The following PLEK2 variants were observed in gnomAD, a reference collection of about 807,000 sequenced individuals.
PLEK2 encodes pleckstrin 2, also known as pleckstrin-2.
A neutral mutation model predicts 43.8 loss-of-function variants in PLEK2; 29 were observed. The ratio of observed to expected loss-of-function variants is 0.66; its 90% CI spans 0.49 to 0.90. PLEK2 has a LOEUF of 0.90. PLEK2 is among the 40% of genes least tolerant of loss of function. PLEK2 has a pLI of 0.00. For synonymous variants in PLEK2, 162 were observed against 173.2 expected (o/e 0.94, Z 0.51); for missense variants, 398 against 448.1 (o/e 0.89, Z 1.01).
rs573621332 is a variant in PLEK2, at chr14:67,410,739, C to T, written c.42+1279G>A. On this transcript the variant is annotated intron_variant, in intron 1 of 8. Transcript: ENST00000216446. ...AAAGGAAGGGCCCCTCATCCCTCTT[C>T]ATTCCCCTCCCAAAGCTGAAAACTC... Among the ~76,000 whole-genome samples, 15 of 152,348 alleles carry T rather than the reference C, an allele frequency of 9.8e-5. No individual in the cohort carries two copies. The South Asian group carries it at 3.1e-3, about 32-fold the overall frequency.
chr14:67,387,504 C>G, intron 8 of PLEK2, 48 bp from the exon 9 acceptor site: 2 of 1,575,218 alleles, frequency 1.3e-6, no homozygotes, highest in South Asian at 2.4e-5. Flanking sequence ...ATAGCCATGT[C>G]TGCTTTCATC....
chr14:67,407,418 G>GC (rs1268314828), intron 1 of PLEK2, among the ~76,000 whole-genome samples: 4 of 151,788 alleles, frequency 2.6e-5, no homozygotes, highest in Middle Eastern at 3.2e-3. Flanking sequence ...ACCACGCCCA[G>GC]CCCCTAACCT....
At chr14:67,393,040 G>T in intron 4 of PLEK2, 110 bp downstream of exon 4, 3 of 950,206 alleles carry the variant, frequency 3.2e-6, no homozygotes, top group South Asian at 1.4e-5. Flanking sequence ...CTAGCCTGTT[G>T]CCCAGCAGGC....
chr14:67,395,955 C>T (rs2086005263), intron 2 of PLEK2, among the ~76,000 whole-genome samples: 1 of 152,166 alleles, frequency 6.6e-6, no homozygotes, highest in South Asian at 2.1e-4. Flanking sequence ...AACCCCAGCT[C>T]TGCCACTTGG....
intron 3 of PLEK2, among the ~76,000 whole-genome samples, chr14:67,393,855 CAAGA>C (rs2085987629): frequency 6.6e-6 from 1 of 152,160 alleles, no homozygotes; most frequent in Admixed American, 6.5e-5. Flanking sequence ...ACAGGTTTCA[CAAGA>C]AAGTCTGAGG....
Position 67,393,283 on chromosome 14 carries a change from G to A in PLEK2, c.390-42C>T, listed in dbSNP as rs763915580. 52 of 1,402,606 alleles carry A rather than the reference G, an allele frequency of 3.7e-5. No homozygotes were observed. The Middle Eastern group carries it at 8.8e-4, about 24-fold the overall frequency. 86.9% of individuals were successfully genotyped at this position (1,402,606 alleles called of 1,614,324 possible). On this transcript the variant is annotated intron_variant, in intron 3 of 8. Transcript: ENST00000216446. ...GCAAAGGAGAGGGAACCCTCATCAC[G>A]CGGGCAGGTATAAGGGAGGGTCCTG...
At chr14:67,408,069 C>G (rs1328019865) in intron 1 of PLEK2, among the ~76,000 whole-genome samples, 1 of 151,988 alleles carries the variant, frequency 6.6e-6, no homozygotes, top group Non-Finnish European at 1.5e-5. Flanking sequence ...GGTGGATCAC[C>G]TGAGGTTGGG....
chr14:67,393,073 G>A lies in PLEK2; in HGVS notation c.481+77C>T, dbSNP rs2296564. ...GGCAGCTCTGACCTCAATACAGGGCGGTCAAGCACACAGCTGAGCCCTGCA... is the reference window on the plus strand; with the variant it reads ...GGCAGCTCTGACCTCAATACAGGGCAGTCAAGCACACAGCTGAGCCCTGCA... On this transcript the variant is annotated intron_variant, in intron 4 of 8. Coordinates refer to ENST00000216446, the MANE Select transcript of PLEK2 (RefSeq NM_016445.3). 1,320 of 1,137,640 alleles carry A rather than the reference G, an allele frequency of 1.2e-3. 7 individuals are homozygous for A. Among genetic ancestry groups the A allele is most frequent in the East Asian group, 4.8e-3 (205 of 42,788 alleles). The allele number at this position is 1,137,640 out of a possible 1,614,324, so 70.5% of individuals were successfully genotyped here.
At chr14:67,408,438 C>T (rs2086095787) in intron 1 of PLEK2, among the ~76,000 whole-genome samples, 1 of 152,042 alleles carries the variant, frequency 6.6e-6, no homozygotes, top group Non-Finnish European at 1.5e-5. Context: ...AAGTCCTAAC[C>T]TCTGGACCTG....
At chr14:67,391,249 T>C (rs1037355300) in intron 6 of PLEK2, among the ~76,000 whole-genome samples, 1 of 150,742 alleles carries the variant, frequency 6.6e-6, no homozygotes, top group South Asian at 2.1e-4. Context: ...TATGATAAAA[T>C]CTAAATGTGT....
chr14:67,399,878 A>G (rs2086036196), intron 1 of PLEK2, among the ~76,000 whole-genome samples: 1 of 152,236 alleles, frequency 6.6e-6, no homozygotes, highest in South Asian at 2.1e-4. Context: ...ATCAGAAAGG[A>G]ATGAGTTTAG....
Position 67,395,477 on chromosome 14 carries a change from G to A in PLEK2, c.314C>T (p.Ala105Val). ...WAFEITGAIH[A>V]GQPGKVQQLH... ...CTGCTGGACCTTCCCCGGCTGCCCTGCATGAATAGCCCCGGTGATCTCAAA... is the reference window on the plus strand; with the variant it reads ...CTGCTGGACCTTCCCCGGCTGCCCTACATGAATAGCCCCGGTGATCTCAAA... The change falls in exon 3 of 9, where the codon GCA becomes GTA. Residue 105 changes from alanine to valine, a missense_variant. By Grantham distance (64) the Ala-to-Val change is moderately conservative. Coordinates refer to ENST00000216446, the MANE Select transcript of PLEK2 (RefSeq NM_016445.3). 17 of 1,614,060 alleles carry A rather than the reference G, an allele frequency of 1.1e-5. No individual in the cohort carries two copies. The highest frequency in any genetic ancestry group is 1.4e-5 in the Non-Finnish European group (16 of 1,179,940).
At chr14:67,396,987 G>A (rs1351351872) in intron 2 of PLEK2, among the ~76,000 whole-genome samples, 1 of 148,984 alleles carries the variant, frequency 6.7e-6, no homozygotes, top group African/African-American at 2.5e-5. Context: ...CACCCAGGCT[G>A]GAGTGCAGTG....
chr14:67,409,941 C>T (rs2086106146), intron 1 of PLEK2, among the ~76,000 whole-genome samples: 1 of 152,106 alleles, frequency 6.6e-6, no homozygotes, highest in South Asian at 2.1e-4. Context: ...GTTCTGGGGC[C>T]CTATCCTTCA....
At chr14:67,406,204 A>G (rs1348322753) in intron 1 of PLEK2, among the ~76,000 whole-genome samples, 2 of 150,968 alleles carry the variant, frequency 1.3e-5, no homozygotes, top group African/African-American at 2.5e-5. Flanking sequence ...GGTTGCAGTG[A>G]GCCAAGATGG....
chr14:67,387,227 A>G lies in PLEK2; in HGVS notation c.*102T>C. On this transcript the variant is annotated 3_prime_UTR_variant, in exon 9 of 9. Coordinates refer to ENST00000216446, the MANE Select transcript of PLEK2 (RefSeq NM_016445.3). Reference sequence around the variant, plus strand: ...AGCATTCACTCTCCAAAGCAGTACAAAACTTACAAAGAAGTCAAAAGTCTT... The same window carrying G: ...AGCATTCACTCTCCAAAGCAGTACAGAACTTACAAAGAAGTCAAAAGTCTT... 1 of 1,174,002 alleles carries G rather than the reference A, an allele frequency of 8.5e-7. No homozygotes were observed. The highest frequency in any genetic ancestry group is 1.2e-6 in the Non-Finnish European group (1 of 837,308). The allele number at this position is 1,174,002 out of a possible 1,614,324, so 72.7% of individuals were successfully genotyped here.
chr14:67,397,590 CT>C, intron 2 of PLEK2, 71 bp downstream of exon 2: 1 of 1,348,362 alleles, frequency 7.4e-7, no homozygotes, highest in Non-Finnish European at 1.0e-6. Context: ...ACCCACACCA[CT>C]TTCCCAAAGA....
chr14:67,408,246 A>G (rs1438974605), intron 1 of PLEK2, among the ~76,000 whole-genome samples: 1 of 151,638 alleles, frequency 6.6e-6, no homozygotes, highest in African/African-American at 2.4e-5. Flanking sequence ...AGATTGCACC[A>G]TTGCACTCCA....
Position 67,392,661 on chromosome 14 carries a change from CA to C in PLEK2, c.669del (p.Phe223LeufsTer9). On this transcript the variant is annotated frameshift_variant and splice_region_variant, in exon 5 of 9. Coordinates refer to ENST00000216446, the MANE Select transcript of PLEK2 (RefSeq NM_016445.3). LOFTEE classifies it high-confidence loss of function. The part of the protein sequence containing the change: ...FLDDSTALYT[F>X]AESYKKKISP... ...CAAGAAGAACCCACTCCCCAACTTA[CA>C]AAAGTGTACAGGGCTGTGGAGTCAT... The C allele has an allele frequency of 1.9e-6, 3 of 1,608,322 alleles. No homozygotes were observed. The highest frequency in any genetic ancestry group is 2.6e-6 in the Non-Finnish European group (3 of 1,176,182).
Sources: allele counts gnomAD v4.1 joint callset (sites outside exome capture counted in the v4.1 genomes callset), GRCh38; gene constraint gnomAD v4.1.1; transcripts MANE v1.5; gene names NCBI Gene and HGNC (gene_info 2026-07-23, HGNC 2026-07-21).